ATP7A: variants seen among roughly 807,000 people sequenced by gnomAD.
The protein encoded by ATP7A is copper-transporting ATPase 1.
A neutral mutation model predicts 83.5 loss-of-function variants in ATP7A; 7 were observed. That is an observed-to-expected ratio of 0.08 (90% confidence interval 0.05 to 0.16). The LOEUF (loss-of-function observed/expected upper bound fraction) is 0.16, where lower values mean the gene tolerates loss of function less well. ATP7A is among the 10% of genes least tolerant of loss of function. ATP7A has a pLI of 1.00. For missense variants in ATP7A, 940 were observed against 1,120.8 expected (o/e 0.84, Z 2.30); for synonymous variants, 354 against 395.2 (o/e 0.90, Z 1.24).
chrX:77,970,597 G>A (rs1334260960), intron 1 of ATP7A, among the ~76,000 whole-genome samples: 2 of 111,697 alleles, frequency 1.8e-5, no homozygotes, highest in Non-Finnish European at 1.9e-5. Context: ...ACTTCAACCC[G>A]GGAGGCGGAA....
At position 77,998,458 on chromosome X, in the gene ATP7A, A is replaced by G. The variant is rs2077718311; in HGVS notation, c.1337-20A>G. 8.3e-7 allele frequency: 1 copy of G among 1,201,393 alleles called. No individual in the cohort carries two copies. Among genetic ancestry groups the G allele is most frequent in the South Asian group, 1.8e-5 (1 of 56,681 alleles). On this transcript the variant is annotated intron_variant, in intron 4 of 22. Coordinates refer to ENST00000341514, the MANE Select transcript of ATP7A (RefSeq NM_000052.7). ...AATGATCAATACTGCAAATGAAAAG[A>G]ATCTTTCCCTTTCTACCAGACACGA...
chrX:77,998,763 A>C, intron 5 of ATP7A, 79 bp downstream of exon 5: 6 of 1,023,558 alleles, frequency 5.9e-6, no homozygotes, highest in Non-Finnish European at 8.2e-6. Flanking sequence ...ATGTTTTGTA[A>C]CTATGTTATG....
intron 1 of ATP7A, chrX:77,962,687 C>T (rs1414027498): frequency 2.6e-6 from 1 of 382,079 alleles, no homozygotes; most frequent in African/African-American, 2.6e-5. Flanking sequence ...TGAGCAGGAG[C>T]AGCAGCGGAA....
intron 1 of ATP7A, among the ~76,000 whole-genome samples, chrX:77,967,674 A>C (rs1387991525): frequency 8.9e-6 from 1 of 111,933 alleles, no homozygotes; most frequent in African/African-American, 3.2e-5. Flanking sequence ...GTAGATTGCA[A>C]AATGTTTTCT....
chrX:78,045,192 C>T (rs1010188448), intron 21 of ATP7A, among the ~76,000 whole-genome samples: 2 of 111,357 alleles, frequency 1.8e-5, no homozygotes, highest in Admixed American at 9.5e-5. Context: ...GGAATATCCA[C>T]GTAAAGTTGA....
At chrX:77,994,475 G>C (rs2077689063) in intron 4 of ATP7A, among the ~76,000 whole-genome samples, 1 of 111,469 alleles carries the variant, frequency 9.0e-6, no homozygotes, top group African/African-American at 3.3e-5. Context: ...AAGAGTACTT[G>C]ATCAGTCTCT....
At chrX:77,920,732 A>T (rs1350528586) in intron 1 of ATP7A, among the ~76,000 whole-genome samples, 1 of 111,015 alleles carries the variant, frequency 9.0e-6, no homozygotes, top group Non-Finnish European at 1.9e-5. Flanking sequence ...ACCTAGGTTG[A>T]TTCTATGTCT....
At position 77,910,847 on chromosome X, in the gene ATP7A, A is replaced by G. The variant is rs1160948300; in HGVS notation, c.-22+12A>G. 8.9e-6 allele frequency: 1 copy of G among 112,224 alleles called. No individual in the cohort carries two copies. Among genetic ancestry groups the G allele is most frequent in the Admixed American group, 9.4e-5 (1 of 10,632 alleles). 9.2% of individuals were successfully genotyped at this position (112,224 alleles called of 1,213,427 possible). A position where few individuals can be genotyped will look rare whatever the true frequency, so the allele number is the denominator to read the frequency against. On this transcript the variant is annotated intron_variant, in intron 1 of 22. Transcript: ENST00000341514. ...GATAGAGAAACCAGGTAAGTCCTAC[A>G]TTGGCTTCCCGTCGTCCTTTCTCCT... is the stretch of plus-strand genomic sequence containing the variant.
intron 1 of ATP7A, among the ~76,000 whole-genome samples, chrX:77,922,717 A>C (rs782020113): frequency 9.0e-6 from 1 of 111,584 alleles, no homozygotes; most frequent in Non-Finnish European, 1.9e-5. Flanking sequence ...GGGAGCATGA[A>C]AAAAGACACA....
chrX:77,988,776 T>C (rs1557231691), intron 3 of ATP7A, 45 bp downstream of exon 3: 3 of 1,205,926 alleles, frequency 2.5e-6, no homozygotes, highest in South Asian at 1.8e-5. Context: ...TAGGTGTCTG[T>C]TTTGATCTTT....
At chrX:78,045,133 G>A (rs782541718) in intron 21 of ATP7A, among the ~76,000 whole-genome samples, 10 of 111,912 alleles carry the variant, frequency 8.9e-5, no homozygotes, top group Admixed American at 7.6e-4. Flanking sequence ...ACTCCCATAC[G>A]CTATTGGTTG....
intron 1 of ATP7A, among the ~76,000 whole-genome samples, chrX:77,948,438 A>T (rs2077396039): frequency 8.9e-6 from 1 of 112,207 alleles, no homozygotes; most frequent in African/African-American, 3.2e-5. Flanking sequence ...AAAGTCTTTT[A>T]AAAAAGTGTC....
At chrX:78,020,431 T>G in intron 13 of ATP7A, 33 bp downstream of exon 13, 4 of 1,196,893 alleles carry the variant, frequency 3.3e-6, no homozygotes, top group Non-Finnish European at 4.5e-6. Flanking sequence ...ACACAAACTA[T>G]TTTCTTTAAA....
intron 1 of ATP7A, among the ~76,000 whole-genome samples, chrX:77,928,497 C>G (rs1242343321): frequency 3.6e-5 from 4 of 110,816 alleles, no homozygotes; most frequent in Non-Finnish European, 7.5e-5. Flanking sequence ...AGTGTTCTTC[C>G]TTCTACCACT....
At position 77,968,990 on chromosome X, in the gene ATP7A, C is replaced by T. The variant is rs376654190; in HGVS notation, c.-21-2631C>T. On this transcript the variant is annotated intron_variant, in intron 1 of 22. Coordinates refer to ENST00000341514, the MANE Select transcript of ATP7A (RefSeq NM_000052.7). ...TTCAAGTTCTTGTCCAATTCATAGA[C>T]GATGGGAATACCAGTCGGCAGGTTC... The T allele has an allele frequency of 4.7e-5, 57 of 1,209,686 alleles. No homozygotes were observed. In the East Asian group the frequency reaches 5.3e-4, roughly 11 times the overall value.
chrX:77,935,102 G>T (rs1330355236), intron 1 of ATP7A, among the ~76,000 whole-genome samples: 5 of 110,994 alleles, frequency 4.5e-5, no homozygotes, highest in Non-Finnish European at 5.7e-5. Flanking sequence ...GAGCCACCAC[G>T]CTTGGCTGAG....
chrX:78,015,319 CT>C (rs2077854521), intron 11 of ATP7A, among the ~76,000 whole-genome samples: 1 of 111,812 alleles, frequency 8.9e-6, no homozygotes, highest in African/African-American at 3.2e-5. Context: ...TGAATTTATC[CT>C]TTGTTTCCTT....
At chrX:77,977,515 C>T (rs1188453157) in intron 2 of ATP7A, among the ~76,000 whole-genome samples, 1 of 112,274 alleles carries the variant, frequency 8.9e-6, no homozygotes, top group Non-Finnish European at 1.9e-5. Flanking sequence ...CCAACATATC[C>T]ATGTATAACT....
chrX:78,021,123 G>C, intron 14 of ATP7A, 44 bp downstream of exon 14: 1 of 1,152,697 alleles, frequency 8.7e-7, no homozygotes, highest in Non-Finnish European at 1.2e-6. Context: ...AGAACAATTT[G>C]TGAGTCTTTT....
Sources: gnomAD v4.1 joint callset for allele counts (sites outside exome capture counted in the v4.1 genomes callset) on GRCh38, gnomAD v4.1.1 for gene constraint, MANE v1.5 for transcripts, NCBI Gene and HGNC (gene_info 2026-07-23, HGNC 2026-07-21) for gene names.